EYS: variants seen among roughly 807,000 people sequenced by gnomAD.
EYS encodes the protein EGF-like photoreceptor maintenance factor.
Under a neutral mutation model 282.1 loss-of-function variants are expected in EYS, and 250 were observed. The observed-to-expected ratio is 0.89, with a 90% CI of 0.80 to 0.98. The LOEUF is 0.98. EYS is among the 50% of genes least tolerant of loss of function. The probability of loss-of-function intolerance (pLI) is 0.00; values close to 1 mark genes in which losing one functional copy is unlikely to be tolerated. For synonymous variants in EYS, 1,355 were observed against 1,282.9 expected (o/e 1.06, Z -1.20); for missense variants, 4,016 against 3,709.0 (o/e 1.08, Z -2.15).
At chr6:65,391,919 T>C (rs1766052376) in intron 7 of EYS, among the ~76,000 whole-genome samples, 1 of 152,118 alleles carries the variant, frequency 6.6e-6, no homozygotes, top group Non-Finnish European at 1.5e-5. Flanking sequence ...GACTTCAAAC[T>C]ATACTACAAG....
intron 22 of EYS, among the ~76,000 whole-genome samples, chr6:64,643,215 T>C (rs1744125854): frequency 6.6e-6 from 1 of 151,888 alleles, no homozygotes; most frequent in Admixed American, 6.6e-5. Flanking sequence ...AGAAGACATG[T>C]GCTTTTATCC....
intron 26 of EYS, among the ~76,000 whole-genome samples, chr6:64,484,238 G>A (rs1776518928): frequency 6.6e-6 from 1 of 151,548 alleles, no homozygotes; most frequent in South Asian, 2.1e-4. Context: ...ATTTCAGTCA[G>A]ACCATGAATA....
chr6:63,794,653 A>G (rs1770598509), intron 37 of EYS, among the ~76,000 whole-genome samples: 1 of 152,246 alleles, frequency 6.6e-6, no homozygotes, highest in Non-Finnish European at 1.5e-5. Flanking sequence ...TCAGCTTTCT[A>G]TAAAACATTG....
chr6:64,170,418 A>G (rs562571709), intron 31 of EYS, among the ~76,000 whole-genome samples: 1 of 152,130 alleles, frequency 6.6e-6, no homozygotes, highest in South Asian at 2.1e-4. Context: ...CTGAGGCTAG[A>G]AGTCTAAAAT....
At chr6:65,423,988 TG>T (rs1349002039) in intron 5 of EYS, among the ~76,000 whole-genome samples, 1 of 152,004 alleles carries the variant, frequency 6.6e-6, no homozygotes, top group Non-Finnish European at 1.5e-5. Context: ...CTATGTGTCT[TG>T]CCTTTAGCCC....
chr6:64,303,076 C>T (rs1769291865), intron 30 of EYS, among the ~76,000 whole-genome samples: 1 of 152,160 alleles, frequency 6.6e-6, no homozygotes, highest in Non-Finnish European at 1.5e-5. Context: ...CAGACACACA[C>T]ATCATTCACT....
At chr6:65,614,324 T>C (rs542215175) in intron 2 of EYS, among the ~76,000 whole-genome samples, 1 of 152,168 alleles carries the variant, frequency 6.6e-6, no homozygotes, top group African/African-American at 2.4e-5. Context: ...AATTACACCC[T>C]AATTAAAGAA....
chr6:65,221,547 T>C (rs1766465507), intron 12 of EYS, among the ~76,000 whole-genome samples: 2 of 152,170 alleles, frequency 1.3e-5, no homozygotes, highest in Admixed American at 1.3e-4. Flanking sequence ...TCAAAGGATG[T>C]ATGGAAACAC....
rs545281958 is a variant in EYS at position 65,029,625 on chromosome 6, C to A, written c.2137+27989G>T. Among the ~76,000 whole-genome samples, 5 of 152,128 alleles carry A rather than the reference C, an allele frequency of 3.3e-5. No individual in the cohort carries two copies. In the South Asian group the frequency reaches 6.2e-4, roughly 19 times the overall value. On this transcript the variant is annotated intron_variant, in intron 13 of 42. Transcript: ENST00000503581. ...GCAAGACCAACCTCTCCTCTTCCTCCTCCTCCGAGGTCTATTCAATTTGAA... is the reference window on the plus strand; with the variant it reads ...GCAAGACCAACCTCTCCTCTTCCTCATCCTCCGAGGTCTATTCAATTTGAA...
chr6:64,941,053 T>A (rs1175668899), intron 15 of EYS, among the ~76,000 whole-genome samples: 2 of 152,078 alleles, frequency 1.3e-5, no homozygotes, highest in Non-Finnish European at 2.9e-5. Context: ...ACATAAGAGA[T>A]GCAATGTATG....
intron 13 of EYS, among the ~76,000 whole-genome samples, chr6:65,020,989 G>T (rs1772237294): frequency 6.6e-6 from 1 of 152,280 alleles, no homozygotes; most frequent in Non-Finnish European, 1.5e-5. Flanking sequence ...GCACACAGCA[G>T]TGGGGCCCGG....
At chr6:64,204,709 T>C (rs1765565507) in intron 31 of EYS, among the ~76,000 whole-genome samples, 2 of 152,174 alleles carry the variant, frequency 1.3e-5, no homozygotes, top group Admixed American at 1.3e-4. Flanking sequence ...AGGGATTCAT[T>C]ATGAACAAGC....
At position 64,669,211 on chromosome 6, in the gene EYS, T is replaced by C. The variant is rs1402241509; in HGVS notation, c.3444-42966A>G. ...AATAGTAGCAACTGTAATAGAAATT[T>C]TGATATTGACCACATAACAATCTTA... is the stretch of plus-strand genomic sequence containing the variant. On this transcript the variant is annotated intron_variant, in intron 22 of 42. Transcript: ENST00000503581. Among the ~76,000 whole-genome samples the C allele has an allele frequency of 2.0e-5, 3 of 152,218 alleles. No homozygotes were observed. The South Asian group carries it at 6.2e-4, about 31-fold the overall frequency.
At chr6:65,343,582 T>G (rs920554093) in intron 10 of EYS, among the ~76,000 whole-genome samples, 1 of 151,270 alleles carries the variant, frequency 6.6e-6, no homozygotes, top group African/African-American at 2.4e-5. Flanking sequence ...GTGATGGAAC[T>G]GCCTAGAGAT....
intron 31 of EYS, among the ~76,000 whole-genome samples, chr6:64,225,840 C>G (rs1175730484): frequency 6.6e-6 from 1 of 152,126 alleles, no homozygotes; most frequent in Admixed American, 6.6e-5. Context: ...AATCCCCTGT[C>G]TTTGATAATA....
chr6:64,574,300 A>G (rs1355675474), intron 26 of EYS, among the ~76,000 whole-genome samples: 1 of 152,154 alleles, frequency 6.6e-6, no homozygotes, highest in Non-Finnish European at 1.5e-5. Context: ...GGGGAGGGAT[A>G]TCATTAGGAG....
chr6:64,573,718 A>T (rs1765794911), intron 26 of EYS, among the ~76,000 whole-genome samples: 1 of 152,232 alleles, frequency 6.6e-6, no homozygotes, highest in Non-Finnish European at 1.5e-5. Flanking sequence ...AATCAAAACC[A>T]CAATGAGATG....
In EYS at chr6:65,230,717, G is replaced by C. The variant is rs565637694; in HGVS notation, c.2023+65146C>G. Among the ~76,000 whole-genome samples, 690 of 151,544 alleles carry C rather than the reference G, an allele frequency of 4.6e-3. 10 individuals are homozygous for C. The highest frequency in any genetic ancestry group is 0.024 in the Middle Eastern group (7 of 294). On this transcript the variant is annotated intron_variant, in intron 12 of 42. Coordinates refer to ENST00000503581, the MANE Select transcript of EYS (RefSeq NM_001142800.2). ...ACAACGTTGACAATTATTTTTCTTT[G>C]AGTCATATCTTTTTTCAGAGAGTAA...
At chr6:65,427,621 C>A (rs1767712067) in intron 5 of EYS, among the ~76,000 whole-genome samples, 1 of 151,950 alleles carries the variant, frequency 6.6e-6, no homozygotes, top group East Asian at 1.9e-4. Flanking sequence ...TTTGAGTCAA[C>A]ATAAAATATG....
Sources: gnomAD v4.1 joint callset for allele counts (sites outside exome capture counted in the v4.1 genomes callset) on GRCh38, gnomAD v4.1.1 for gene constraint, MANE v1.5 for transcripts, NCBI Gene and HGNC (gene_info 2026-07-23, HGNC 2026-07-21) for gene names.